The following CNIH3 variants were observed in gnomAD, a reference collection of about 807,000 sequenced individuals.
CNIH3 encodes protein cornichon homolog 3.
A neutral mutation model predicts 24.1 loss-of-function variants in CNIH3; 14 were observed. The observed-to-expected ratio is 0.58, with a 90% confidence interval of 0.38 to 0.91. The LOEUF is 0.91. Ranked by LOEUF, CNIH3 falls within the 40% of genes least tolerant of loss-of-function variation. CNIH3 has a pLI of 0.00. For synonymous variants in CNIH3, 68 were observed against 73.8 expected, an observed-to-expected ratio of 0.92 and a Z score of 0.40; for missense variants, 178 against 196.8, an observed-to-expected ratio of 0.90 and a Z score of 0.57.
At chr1:224,516,262 C>T (rs1022489514) in intron 1 of CNIH3, among the ~76,000 whole-genome samples, 3 of 141,134 alleles carry the variant, frequency 2.1e-5, no homozygotes, top group East Asian at 2.1e-4. Context: ...TGCAGTGAGC[C>T]GAGATTGTGC....
chr1:224,721,506 G>T (rs1028495306), intron 3 of CNIH3, among the ~76,000 whole-genome samples: 3 of 152,228 alleles, frequency 2.0e-5, no homozygotes, highest in African/African-American at 7.2e-5. Flanking sequence ...TATTATTTGA[G>T]AGAGCGCTTT....
intron 4 of CNIH3, among the ~76,000 whole-genome samples, chr1:224,571,680 G>A (rs1014194078): frequency 5.9e-5 from 9 of 152,212 alleles, no homozygotes; most frequent in East Asian, 3.9e-4. Flanking sequence ...AGGCGAGATC[G>A]CACCACTGCA....
At chr1:224,469,683 T>C (rs1188430031) in intron 1 of CNIH3, among the ~76,000 whole-genome samples, 3 of 152,144 alleles carry the variant, frequency 2.0e-5, no homozygotes, top group Admixed American at 2.0e-4. Flanking sequence ...AATTCTTTTT[T>C]GATATTGCTG....
chr1:224,707,580 T>C (rs1687892700), intron 3 of CNIH3, among the ~76,000 whole-genome samples: 1 of 152,172 alleles, frequency 6.6e-6, no homozygotes, highest in Non-Finnish European at 1.5e-5. Context: ...AGAATATTGC[T>C]ATTCAAGTGG....
chr1:224,677,121 A>G (rs1314703815), intron 1 of CNIH3, among the ~76,000 whole-genome samples: 1 of 152,236 alleles, frequency 6.6e-6, no homozygotes, highest in Non-Finnish European at 1.5e-5. Flanking sequence ...CTTCTCTGAA[A>G]TGGGACCAGT....
chr1:224,499,901 C>CA (rs58546932), intron 1 of CNIH3, among the ~76,000 whole-genome samples: 3,376 of 120,778 alleles, frequency 0.028, 73 homozygotes, highest in African/African-American at 0.062. Context: ...CTATCTCTAC[C>CA]AAAAAAAAAA....
At chr1:224,664,983 C>T (rs1426683686) in intron 1 of CNIH3, 2 of 152,138 alleles carry the variant, frequency 1.3e-5, no homozygotes, top group African/African-American at 4.8e-5. Flanking sequence ...TCTCTCTCTC[C>T]CACCTCTTTA....
At chr1:224,699,194 G>C (rs906431468) in intron 3 of CNIH3, among the ~76,000 whole-genome samples, 1 of 152,170 alleles carries the variant, frequency 6.6e-6, no homozygotes, top group Non-Finnish European at 1.5e-5. Context: ...AGCCTCATGC[G>C]GATGGGCCCT....
At chr1:224,702,283 C>A (rs911527943) in intron 3 of CNIH3, among the ~76,000 whole-genome samples, 2 of 152,116 alleles carry the variant, frequency 1.3e-5, no homozygotes, top group Non-Finnish European at 2.9e-5. Context: ...TATTTATAGA[C>A]CTTATGTATG....
intron 1 of CNIH3, among the ~76,000 whole-genome samples, chr1:224,502,737 CCG>C (rs1224307765): frequency 6.6e-6 from 1 of 152,194 alleles, no homozygotes; most frequent in Non-Finnish European, 1.5e-5. Context: ...ATAGTTTTCA[CCG>C]CTGGGTGTTT....
chr1:224,707,665 T>G (rs574859802), intron 3 of CNIH3, among the ~76,000 whole-genome samples: 23 of 152,288 alleles, frequency 1.5e-4, no homozygotes, highest in African/African-American at 5.3e-4. Context: ...CAGAATCTCA[T>G]GCCCCACCCA....
At chr1:224,544,343 C>T (rs114739541) in intron 2 of CNIH3, among the ~76,000 whole-genome samples, 571 of 152,318 alleles carry the variant, frequency 3.7e-3, no homozygotes, top group Non-Finnish European at 5.5e-3. Flanking sequence ...TTTGCTACAG[C>T]ATCCCATGGA....
chr1:224,518,745 T>G (rs6426134), intron 1 of CNIH3, among the ~76,000 whole-genome samples: 18,623 of 152,224 alleles, frequency 0.12, 1,208 homozygotes, highest in African/African-American at 0.14. Flanking sequence ...CATTTTATGC[T>G]GAGGAAGCTG....
chr1:224,694,045 G>C (rs777585171), intron 3 of CNIH3, among the ~76,000 whole-genome samples: 14 of 152,240 alleles, frequency 9.2e-5, no homozygotes, highest in Admixed American at 2.0e-4. Flanking sequence ...GCAATGCCAG[G>C]ATGGCTCCCC....
At chr1:224,532,021 C>T (rs534802085) in intron 2 of CNIH3, among the ~76,000 whole-genome samples, 17 of 152,002 alleles carry the variant, frequency 1.1e-4, no homozygotes, top group African/African-American at 2.7e-4. Context: ...GAAAGGTAGA[C>T]GGTGGGGTGG....
At chr1:224,445,824 C>T (rs1193308251) in intron 1 of CNIH3, among the ~76,000 whole-genome samples, 1 of 152,114 alleles carries the variant, frequency 6.6e-6, no homozygotes, top group Non-Finnish European at 1.5e-5. Context: ...ATTTCTCGTC[C>T]TCAAGGGCAT....
chr1:224,554,088 G>A (rs116491326), intron 3 of CNIH3, among the ~76,000 whole-genome samples: 3,595 of 152,230 alleles, frequency 0.024, 143 homozygotes, highest in African/African-American at 0.081. Context: ...GGAGTAAGGG[G>A]CACCATTCTG....
At chr1:224,575,505 T>G in intron 4 of CNIH3, 1 of 522,526 alleles carries the variant, frequency 1.9e-6, no homozygotes, top group Non-Finnish European at 3.5e-6. Context: ...GAGCAACCTA[T>G]AGAGTGGCCA....
chr1:224,473,804 G>T (rs1000512949), intron 1 of CNIH3, among the ~76,000 whole-genome samples: 4 of 152,198 alleles, frequency 2.6e-5, no homozygotes, highest in African/African-American at 9.6e-5. Context: ...GGACCTAATA[G>T]ATATTTACAG....
Sources: gnomAD v4.1 joint callset for allele counts (sites outside exome capture counted in the v4.1 genomes callset) on GRCh38, gnomAD v4.1.1 for gene constraint, MANE v1.5 for transcripts, NCBI Gene and HGNC (gene_info 2026-07-23, HGNC 2026-07-21) for gene names.